Variants in PTPRD observed in about 807,000 individuals in gnomAD.
PTPRD encodes receptor-type tyrosine-protein phosphatase delta.
In PTPRD, 34 loss-of-function variants were observed where a neutral mutation model predicts 214.5. The ratio of observed to expected loss-of-function variants is 0.16; its 90% CI spans 0.12 to 0.21. The LOEUF is 0.21. Among genes scored for constraint, PTPRD ranks in the 10% least tolerant of loss-of-function variants. The probability of loss-of-function intolerance (pLI) is 1.00; values close to 1 mark genes in which losing one functional copy is unlikely to be tolerated. For missense variants in PTPRD, 2,545 were observed against 2,398.7 expected, an observed-to-expected ratio of 1.06 and a Z score of -1.27; for synonymous variants, 1,128 against 845.7, an observed-to-expected ratio of 1.33 and a Z score of -5.79.
intron 23 of PTPRD, 76 bp from the exon 24 acceptor site, chr9:8,501,135 A>T (rs1257960093): frequency 9.1e-7 from 1 of 1,102,158 alleles, no homozygotes; most frequent in Non-Finnish European, 1.3e-6. Context: ...GATAAAACAA[A>T]AGAAAAGGCA....
chr9:10,557,832 A>G (rs2062960988), intron 2 of PTPRD, among the ~76,000 whole-genome samples: 1 of 152,184 alleles, frequency 6.6e-6, no homozygotes, highest in Admixed American at 6.6e-5. Context: ...TCTCTACTAC[A>G]TAGCATATAT....
At chr9:9,313,335 T>C (rs980604383) in intron 9 of PTPRD, among the ~76,000 whole-genome samples, 9 of 152,118 alleles carry the variant, frequency 5.9e-5, no homozygotes, top group East Asian at 1.9e-4. Context: ...GGAGAGTAAG[T>C]TCAGAAGAAA....
At chr9:10,120,722 A>C (rs1188441117) in intron 3 of PTPRD, among the ~76,000 whole-genome samples, 1 of 152,092 alleles carries the variant, frequency 6.6e-6, no homozygotes, top group African/African-American at 2.4e-5. Flanking sequence ...ATAACCAAAA[A>C]TGACATTTCT....
At chr9:8,427,718 GC>G (rs2094780683) in intron 35 of PTPRD, among the ~76,000 whole-genome samples, 1 of 151,774 alleles carries the variant, frequency 6.6e-6, no homozygotes, top group Admixed American at 6.6e-5. Flanking sequence ...CATCAGCAAA[GC>G]CCTAAGGGTT....
intron 2 of PTPRD, among the ~76,000 whole-genome samples, chr9:10,379,103 T>A (rs1378539233): frequency 6.6e-6 from 1 of 151,958 alleles, no homozygotes; most frequent in Non-Finnish European, 1.5e-5. Flanking sequence ...CTTTTTAAAT[T>A]TCTTTTTTCA....
At chr9:9,325,075 C>T (rs374316303) in intron 9 of PTPRD, among the ~76,000 whole-genome samples, 27 of 152,152 alleles carry the variant, frequency 1.8e-4, no homozygotes, top group South Asian at 1.7e-3. Flanking sequence ...ACAAGTACCA[C>T]GCTGTTTTGG....
intron 3 of PTPRD, among the ~76,000 whole-genome samples, chr9:10,036,506 GCACACACA>G (rs59938783): frequency 1.1e-4 from 16 of 142,090 alleles, no homozygotes; most frequent in East Asian, 5.1e-4. Context: ...ACACACTCAT[GCACACACA>G]CACACACACA....
At chr9:9,753,162 T>C (rs2098538220) in intron 6 of PTPRD, among the ~76,000 whole-genome samples, 1 of 152,090 alleles carries the variant, frequency 6.6e-6, no homozygotes, top group Non-Finnish European at 1.5e-5. Flanking sequence ...TTATAGGACA[T>C]TTCCATGTGG....
chr9:9,056,398 C>A (rs2099696329), intron 10 of PTPRD, among the ~76,000 whole-genome samples: 1 of 152,154 alleles, frequency 6.6e-6, no homozygotes, highest in African/African-American at 2.4e-5. Flanking sequence ...ATGATCAGCC[C>A]TGCAGTAACC....
At chr9:9,763,005 C>T (rs1472907408) in intron 6 of PTPRD, among the ~76,000 whole-genome samples, 2 of 152,158 alleles carry the variant, frequency 1.3e-5, no homozygotes, top group African/African-American at 4.8e-5. Flanking sequence ...TGTGTGTTCA[C>T]ATGATCTCTC....
chr9:8,767,229 T>C (rs1226928771), intron 11 of PTPRD, among the ~76,000 whole-genome samples: 1 of 152,232 alleles, frequency 6.6e-6, no homozygotes, highest in Middle Eastern at 3.4e-3. Flanking sequence ...GTGATTCTCC[T>C]GCCTCAGCCT....
At chr9:9,979,993 C>A (rs576481393) in intron 4 of PTPRD, among the ~76,000 whole-genome samples, 4 of 152,150 alleles carry the variant, frequency 2.6e-5, no homozygotes, top group Non-Finnish European at 5.9e-5. Context: ...TAATAATCCA[C>A]ATGTGAGAGG....
At chr9:9,947,773 C>G (rs911956985) in intron 4 of PTPRD, among the ~76,000 whole-genome samples, 23 of 145,218 alleles carry the variant, frequency 1.6e-4, no homozygotes, top group Non-Finnish European at 3.0e-4. Flanking sequence ...GAGACTTTTC[C>G]TATAACATGT....
chr9:8,979,444 G>T (rs12553733), intron 11 of PTPRD, among the ~76,000 whole-genome samples: 1 of 151,890 alleles, frequency 6.6e-6, no homozygotes, highest in African/African-American at 2.4e-5. Flanking sequence ...ACCAAATGAA[G>T]TGGTAACCTA....
At chr9:9,426,657 A>G (rs921993486) in intron 8 of PTPRD, among the ~76,000 whole-genome samples, 2 of 152,146 alleles carry the variant, frequency 1.3e-5, no homozygotes, top group Non-Finnish European at 2.9e-5. Context: ...GGCACCTCCC[A>G]GTAGGGGCCG....
chr9:8,907,517 CAA>C (rs60277757), intron 11 of PTPRD, among the ~76,000 whole-genome samples: 121 of 79,680 alleles, frequency 1.5e-3, no homozygotes, highest in South Asian at 0.013. Context: ...GACTCCGTCT[CAA>C]AAAAAAAAAA....
At chr9:8,865,980 T>A (rs977197479) in intron 11 of PTPRD, among the ~76,000 whole-genome samples, 4 of 152,200 alleles carry the variant, frequency 2.6e-5, no homozygotes, top group South Asian at 4.1e-4. Context: ...ATCAGTTCAG[T>A]GGACAAAAAA....
At chr9:9,104,069 A>G (rs923540721) in intron 10 of PTPRD, among the ~76,000 whole-genome samples, 1 of 152,290 alleles carries the variant, frequency 6.6e-6, no homozygotes. Context: ...TGATAATACC[A>G]TTATCAAAAA....
At chr9:9,069,517 C>G (rs142179170) in intron 10 of PTPRD, among the ~76,000 whole-genome samples, 1 of 152,182 alleles carries the variant, frequency 6.6e-6, no homozygotes, top group Non-Finnish European at 1.5e-5. Context: ...AGACTCAAAG[C>G]AAGAAGAGTT....
Sources: gnomAD v4.1 joint callset for allele counts (sites outside exome capture counted in the v4.1 genomes callset) on GRCh38, gnomAD v4.1.1 for gene constraint, MANE v1.5 for transcripts, NCBI Gene and HGNC (gene_info 2026-07-23, HGNC 2026-07-21) for gene names.